The following NDUFAF6 variants were observed in gnomAD, a reference collection of about 807,000 sequenced individuals.
NDUFAF6 encodes NADH:ubiquinone oxidoreductase complex assembly factor 6, also known as NADH dehydrogenase (ubiquinone) complex I, assembly factor 6.
NDUFAF6 carries 45 observed loss-of-function variants against 40.8 expected under a neutral mutation model. The ratio of observed to expected loss-of-function variants is 1.10; its 90% CI spans 0.87 to 1.42. NDUFAF6 has a LOEUF of 1.42. NDUFAF6 is among the 40% of genes most tolerant of loss of function. The pLI is 0.00. For missense variants in NDUFAF6, 435 were observed against 418.5 expected (o/e 1.04, Z -0.34); for synonymous variants, 185 against 155.9 (o/e 1.19, Z -1.39).
intron 2 of NDUFAF6, among the ~76,000 whole-genome samples, chr8:94,994,261 A>C (rs1233245416): frequency 6.6e-6 from 1 of 152,100 alleles, no homozygotes; most frequent in Non-Finnish European, 1.5e-5. Context: ...GCCATGTTAA[A>C]AATGATGGTC....
At chr8:94,935,282 G>A (rs1311377008) in intron 1 of NDUFAF6, among the ~76,000 whole-genome samples, 1 of 152,174 alleles carries the variant, frequency 6.6e-6, no homozygotes, top group Non-Finnish European at 1.5e-5. Flanking sequence ...CTCAACCTAA[G>A]AGAGGGAATG....
At chr8:95,015,544 T>C (rs1415173931) in intron 2 of NDUFAF6, among the ~76,000 whole-genome samples, 2 of 152,190 alleles carry the variant, frequency 1.3e-5, no homozygotes, top group African/African-American at 4.8e-5. Flanking sequence ...AATTCACCTT[T>C]GACAGCAATA....
intron 7 of NDUFAF6, 68 bp downstream of exon 7, chr8:95,048,626 C>A: frequency 9.0e-7 from 1 of 1,112,982 alleles, no homozygotes; most frequent in Non-Finnish European, 1.4e-6. Context: ...CTTCTTAGAA[C>A]ATGGTTATGA....
chr8:95,078,662 A>AATATATATATATATAT (rs57127319), downstream of NDUFAF6: 59 of 121,032 alleles, frequency 4.9e-4, no homozygotes, highest in African/African-American at 1.8e-3. Context: ...AAAAAAAAAA[A>AATATATATATATATAT]ATATATATAT....
At chr8:95,043,534 G>C (rs10110511) in intron 4 of NDUFAF6, among the ~76,000 whole-genome samples, 4,669 of 151,310 alleles carry the variant, frequency 0.031, 236 homozygotes, top group African/African-American at 0.11. Flanking sequence ...TACAACTCAA[G>C]AATAAAAAAA....
intron 4 of NDUFAF6, among the ~76,000 whole-genome samples, chr8:95,108,724 C>G (rs965677607): frequency 6.6e-6 from 1 of 151,944 alleles, no homozygotes. Context: ...GAAATTGGAA[C>G]CTTTGTGCTT....
At chr8:95,003,014 A>G (rs766775880) in intron 2 of NDUFAF6, among the ~76,000 whole-genome samples, 7 of 152,226 alleles carry the variant, frequency 4.6e-5, no homozygotes, top group Non-Finnish European at 8.8e-5. Flanking sequence ...AGACCCAAAG[A>G]AAGAGAGATC....
intron 1 of NDUFAF6, among the ~76,000 whole-genome samples, chr8:94,977,412 C>T (rs1825052850): frequency 6.6e-6 from 1 of 151,014 alleles, no homozygotes; most frequent in Admixed American, 6.6e-5. Context: ...ACTCATAGTA[C>T]TCAGGTGACC....
chr8:95,030,038 T>A (rs1045303993), intron 1 of NDUFAF6, among the ~76,000 whole-genome samples: 2 of 152,146 alleles, frequency 1.3e-5, no homozygotes, highest in Non-Finnish European at 2.9e-5. Context: ...TTATTGATGA[T>A]TTTTATCTGA....
chr8:94,951,038 T>C (rs966282348), intron 2 of NDUFAF6: 32 of 152,352 alleles, frequency 2.1e-4, no homozygotes, highest in African/African-American at 7.5e-4. Flanking sequence ...CTGTGATTGC[T>C]CTGACCAATA....
At chr8:94,917,825 T>G (rs994315936) in intron 1 of NDUFAF6, among the ~76,000 whole-genome samples, 9 of 152,214 alleles carry the variant, frequency 5.9e-5, no homozygotes, top group Non-Finnish European at 1.3e-4. Flanking sequence ...GATGTACAAG[T>G]GATAATTCTT....
chr8:95,035,660 A>AT, intron 3 of NDUFAF6, 84 bp downstream of exon 3: 1 of 1,277,504 alleles, frequency 7.8e-7, no homozygotes, highest in Non-Finnish European at 1.1e-6. Flanking sequence ...GGTACTGGTG[A>AT]TTATAGTGGA....
chr8:95,032,422 A>G (rs1355103069), intron 2 of NDUFAF6, among the ~76,000 whole-genome samples: 1 of 152,198 alleles, frequency 6.6e-6, no homozygotes. Context: ...CTTTCCAACA[A>G]TTGCATAATT....
upstream of NDUFAF6, among the ~76,000 whole-genome samples, chr8:95,098,008 G>C (rs751139673): frequency 1.6e-4 from 25 of 152,138 alleles, no homozygotes; most frequent in Non-Finnish European, 2.9e-4. Context: ...AGAAAGGTGA[G>C]AGGAGTTTCC....
intron 1 of NDUFAF6, among the ~76,000 whole-genome samples, chr8:94,979,634 A>G (rs1466296998): frequency 2.0e-5 from 3 of 152,100 alleles, no homozygotes; most frequent in East Asian, 3.8e-4. Flanking sequence ...TTTTTGTAAT[A>G]TTTTTTCAAG....
intron 1 of NDUFAF6, among the ~76,000 whole-genome samples, chr8:94,908,153 A>G (rs1818513367): frequency 1.3e-5 from 2 of 152,164 alleles, no homozygotes; most frequent in Non-Finnish European, 1.5e-5. Flanking sequence ...AAAGCTCTCA[A>G]TTACACCATT....
At chr8:94,965,505 A>G (rs1276897668) in intron 1 of NDUFAF6, among the ~76,000 whole-genome samples, 1 of 152,236 alleles carries the variant, frequency 6.6e-6, no homozygotes, top group Non-Finnish European at 1.5e-5. Flanking sequence ...GTTTAAGGAA[A>G]CAACCTTGGT....
At chr8:95,010,219 G>T (rs981527369) in intron 2 of NDUFAF6, among the ~76,000 whole-genome samples, 1 of 152,170 alleles carries the variant, frequency 6.6e-6, no homozygotes, top group African/African-American at 2.4e-5. Context: ...CTCACCAGTA[G>T]CTGGGAGTAC....
intron 2 of NDUFAF6, among the ~76,000 whole-genome samples, chr8:94,985,476 TATATATATA>T (rs1563770447): frequency 6.1e-3 from 10 of 1,634 alleles, no homozygotes; most frequent in East Asian, 0.042. Context: ...ATTATATATA[TATATATATA>T]TATATATATA....
Sources: allele counts gnomAD v4.1 joint callset (sites outside exome capture counted in the v4.1 genomes callset), GRCh38; gene constraint gnomAD v4.1.1; transcripts MANE v1.5; gene names NCBI Gene and HGNC (gene_info 2026-07-23, HGNC 2026-07-21).